Variants in GABRG3 observed in about 807,000 individuals in gnomAD.
GABRG3 encodes the protein gamma-aminobutyric acid type A receptor subunit gamma3.
In GABRG3, 25 loss-of-function variants were observed where a neutral mutation model predicts 48.8. The ratio of observed to expected loss-of-function variants is 0.51; its 90% CI spans 0.37 to 0.72. The LOEUF is 0.72. Among genes scored for constraint, GABRG3 ranks in the 30% least tolerant of loss-of-function variants. The pLI is 0.00. For missense variants in GABRG3, 394 were observed against 577.9 expected (o/e 0.68, Z 3.26); for synonymous variants, 227 against 217.6 (o/e 1.04, Z -0.38).
chr15:27,026,304 T>G (rs1016197928), intron 2 of GABRG3, among the ~76,000 whole-genome samples: 3 of 152,236 alleles, frequency 2.0e-5, no homozygotes, highest in Non-Finnish European at 2.9e-5. Context: ...AAGGATAGCT[T>G]GACAGCTATG....
At chr15:27,050,571 G>T (rs1468021109) in intron 3 of GABRG3, among the ~76,000 whole-genome samples, 1 of 152,106 alleles carries the variant, frequency 6.6e-6, no homozygotes, top group African/African-American at 2.4e-5. Context: ...GCCCTTATTT[G>T]CCCAGGAGAA....
chr15:27,423,614 C>T (rs373564773), intron 5 of GABRG3, among the ~76,000 whole-genome samples: 4 of 149,974 alleles, frequency 2.7e-5, no homozygotes, highest in East Asian at 3.9e-4. Flanking sequence ...GGCACAATCA[C>T]GAAACACTGC....
At chr15:27,059,074 A>G (rs935393595) in intron 3 of GABRG3, among the ~76,000 whole-genome samples, 1 of 152,242 alleles carries the variant, frequency 6.6e-6, no homozygotes, top group Non-Finnish European at 1.5e-5. Context: ...AATTCTTCAT[A>G]TAAGAACTCT....
At chr15:26,998,160 C>T (rs1193119336) in intron 2 of GABRG3, among the ~76,000 whole-genome samples, 1 of 152,174 alleles carries the variant, frequency 6.6e-6, no homozygotes, top group Non-Finnish European at 1.5e-5. Context: ...GCTTCTTTCT[C>T]TGGTTCTGTC....
intron 5 of GABRG3, among the ~76,000 whole-genome samples, chr15:27,432,321 A>G (rs1595750786): frequency 1.3e-5 from 2 of 152,200 alleles, no homozygotes; most frequent in East Asian, 3.8e-4. Flanking sequence ...AAGCCCATAA[A>G]CACGTTTATG....
intron 5 of GABRG3, among the ~76,000 whole-genome samples, chr15:27,460,675 G>A (rs1399382791): frequency 1.3e-5 from 2 of 152,132 alleles, no homozygotes; most frequent in Admixed American, 6.5e-5. Context: ...ATTTGTGATC[G>A]GCTAAGGAAG....
intron 3 of GABRG3, among the ~76,000 whole-genome samples, 173 bp from the exon 4 acceptor site, chr15:27,326,636 A>G (rs1893624325): frequency 6.6e-6 from 1 of 152,234 alleles, no homozygotes; most frequent in Non-Finnish European, 1.5e-5. Flanking sequence ...TTGACAAATA[A>G]TATTGGTCAT....
intron 3 of GABRG3, among the ~76,000 whole-genome samples, chr15:27,185,565 A>C (rs1888067110): frequency 6.6e-6 from 1 of 152,180 alleles, no homozygotes; most frequent in African/African-American, 2.4e-5. Flanking sequence ...TGGTGGATTG[A>C]GTAGGTCAGA....
At chr15:27,420,845 G>A (rs1451297955) in intron 5 of GABRG3, 2 of 152,128 alleles carry the variant, frequency 1.3e-5, no homozygotes, top group African/African-American at 2.4e-5. Context: ...AAAAATAAAA[G>A]TAGTGCCAAG....
chr15:27,241,849 G>T (rs17137718), intron 3 of GABRG3, among the ~76,000 whole-genome samples: 3,640 of 152,188 alleles, frequency 0.024, 80 homozygotes, highest in African/African-American at 0.067. Context: ...TCTCATAAAA[G>T]GTTCACTTTT....
At chr15:27,004,228 A>C (rs1895533065) in intron 2 of GABRG3, among the ~76,000 whole-genome samples, 1 of 148,216 alleles carries the variant, frequency 6.7e-6, no homozygotes, top group African/African-American at 2.5e-5. Flanking sequence ...CTCACTTCTC[A>C]GATGGGGCAG....
At chr15:27,128,870 T>A (rs1897867883) in intron 3 of GABRG3, among the ~76,000 whole-genome samples, 1 of 152,376 alleles carries the variant, frequency 6.6e-6, no homozygotes, top group Middle Eastern at 3.4e-3. Context: ...TGGATATTTT[T>A]AATTGATTTT....
At chr15:27,283,303 A>C (rs1891497690) in intron 3 of GABRG3, among the ~76,000 whole-genome samples, 1 of 152,176 alleles carries the variant, frequency 6.6e-6, no homozygotes, top group Admixed American at 6.5e-5. Flanking sequence ...GATGTCTACT[A>C]GAAAAAGTTG....
intron 6 of GABRG3, among the ~76,000 whole-genome samples, chr15:27,505,686 G>A (rs74005019): frequency 0.12 from 18,059 of 152,040 alleles, 2,053 homozygotes; most frequent in African/African-American, 0.3. Context: ...TATTCTGTTG[G>A]TGATTTTTGT....
intron 3 of GABRG3, among the ~76,000 whole-genome samples, chr15:27,071,138 G>A (rs749052071): frequency 1.3e-5 from 2 of 152,196 alleles, no homozygotes; most frequent in African/African-American, 2.4e-5. Context: ...AGTGGGAGGC[G>A]TCCTGTGTGT....
chr15:27,532,477 G>A, intron 9 of GABRG3, 123 bp from the exon 10 acceptor site: 1 of 871,154 alleles, frequency 1.1e-6, no homozygotes, highest in South Asian at 1.9e-5. Context: ...GGGGGGAAGG[G>A]CACACCCACG....
chr15:27,261,589 GTAAT>G (rs1207538252), intron 3 of GABRG3, among the ~76,000 whole-genome samples: 1 of 150,852 alleles, frequency 6.6e-6, no homozygotes, highest in East Asian at 1.9e-4. Context: ...ATGAAGGTGT[GTAAT>G]TAAATATGTA....
At chr15:27,299,122 G>A (rs970262350) in intron 3 of GABRG3, among the ~76,000 whole-genome samples, 3 of 151,894 alleles carry the variant, frequency 2.0e-5, no homozygotes, top group African/African-American at 7.3e-5. Context: ...CTTCTTTACT[G>A]AAAATACAAA....
At chr15:27,088,279 G>A (rs1034560481) in intron 3 of GABRG3, among the ~76,000 whole-genome samples, 6 of 150,282 alleles carry the variant, frequency 4.0e-5, no homozygotes, top group African/African-American at 1.2e-4. Context: ...GGGGGCGGGC[G>A]CGGGCCAGGA....
Sources: allele counts gnomAD v4.1 joint callset (sites outside exome capture counted in the v4.1 genomes callset), GRCh38; gene constraint gnomAD v4.1.1; transcripts MANE v1.5; gene names NCBI Gene and HGNC (gene_info 2026-07-23, HGNC 2026-07-21).